Variants in TENM3 observed in about 807,000 individuals in gnomAD.
The protein encoded by TENM3 is teneurin transmembrane protein 3, also known as teneurin-3.
TENM3 carries 63 observed loss-of-function variants against 255.1 expected under a neutral mutation model. The observed-to-expected ratio is 0.25, with a 90% CI of 0.20 to 0.30. The LOEUF is 0.30. TENM3 is among the 10% of genes least tolerant of loss of function. TENM3 has a pLI of 1.00. For missense variants in TENM3, 2,929 were observed against 3,461.1 expected (o/e 0.85, Z 3.86); for synonymous variants, 1,306 against 1,322.3 (o/e 0.99, Z 0.27).
chr4:182,440,114 CT>C (rs5864784), intron 3 of TENM3, among the ~76,000 whole-genome samples: 46 of 126,716 alleles, frequency 3.6e-4, no homozygotes, highest in Admixed American at 3.5e-4. Context: ...TGGTGGGCAC[CT>C]TTTTTTTTTT....
At chr4:182,162,732 C>A (rs1039039953) in intron 1 of TENM3, among the ~76,000 whole-genome samples, 1 of 152,192 alleles carries the variant, frequency 6.6e-6, no homozygotes, top group Non-Finnish European at 1.5e-5. Context: ...ATACTGCATC[C>A]TCCAGAGGAG....
In TENM3 at chr4:182,249,697, G is replaced by T. The variant is rs1757871176; in HGVS notation, c.-76+6221G>T. On this transcript the variant is annotated intron_variant, in intron 1 of 27. Coordinates refer to ENST00000511685, the MANE Select transcript of TENM3 (RefSeq NM_001080477.4). ...CTGAGGATGGGTCTGATAGAGAGGGGTTGCAAATATTTTGAGCAATTGTGA... is the reference window on the plus strand; with the variant it reads ...CTGAGGATGGGTCTGATAGAGAGGGTTTGCAAATATTTTGAGCAATTGTGA... Among the ~76,000 whole-genome samples, 3 of 152,302 alleles carry T rather than the reference G, an allele frequency of 2.0e-5. No individual in the cohort carries two copies. The South Asian group carries it at 6.2e-4, about 32-fold the overall frequency.
chr4:181,837,017 A>G, the TENM3 span, among the ~76,000 whole-genome samples: 1 of 152,146 alleles, frequency 6.6e-6, no homozygotes, highest in South Asian at 2.1e-4. Flanking sequence ...TATTGTGAAT[A>G]GTGTATTTTA....
At chr4:181,753,400 A>T in the TENM3 span, among the ~76,000 whole-genome samples, 1 of 152,152 alleles carries the variant, frequency 6.6e-6, no homozygotes, top group South Asian at 2.1e-4. Context: ...AACTCAAAAC[A>T]GGCAGGCAGC....
At chr4:182,170,330 A>G (rs189229265) in intron 1 of TENM3, among the ~76,000 whole-genome samples, 228 of 152,252 alleles carry the variant, frequency 1.5e-3, no homozygotes, top group African/African-American at 5.3e-3. Flanking sequence ...TTATATTTGT[A>G]TAATATGCAT....
chr4:181,608,496 TAACTGTGTCATATGAGAAAGGA>T, the TENM3 span, among the ~76,000 whole-genome samples: 1 of 151,454 alleles, frequency 6.6e-6, no homozygotes, highest in South Asian at 2.1e-4. Flanking sequence ...CAGCAGAGAG[TAACTGTGTCATATGAGAAAGGA>T]AACAGAAGTT....
the TENM3 span, among the ~76,000 whole-genome samples, chr4:181,888,365 C>A: frequency 6.6e-6 from 1 of 150,980 alleles, no homozygotes; most frequent in African/African-American, 2.4e-5. Flanking sequence ...TCCCAACCTG[C>A]ACCCAGATAA....
At chr4:182,567,289 G>A (rs534053700) in intron 3 of TENM3, among the ~76,000 whole-genome samples, 1 of 152,176 alleles carries the variant, frequency 6.6e-6, no homozygotes, top group South Asian at 2.1e-4. Context: ...AGTCACCATT[G>A]TCTCTCACCT....
chr4:182,019,805 C>T, the TENM3 span, among the ~76,000 whole-genome samples: 2,412 of 152,212 alleles, frequency 0.016, 61 homozygotes, highest in African/African-American at 0.054. Context: ...GCTGGGACTA[C>T]AGGCACATGA....
Position 182,700,195 on chromosome 4 carries a change from G to T in TENM3, c.2221+11844G>T, listed in dbSNP as rs544395711. Among the ~76,000 whole-genome samples the T allele has an allele frequency of 3.9e-5, 6 of 152,268 alleles. No homozygotes were observed. The South Asian group carries it at 1.0e-3, about 26-fold the overall frequency. ...TGAAGTAATATTCCTTATATGCTGA[G>T]ATCCTTATTACCTAATGGGGTAAAT... On this transcript the variant is annotated intron_variant, in intron 12 of 27. Coordinates refer to ENST00000511685, the MANE Select transcript of TENM3 (RefSeq NM_001080477.4).
upstream of TENM3, among the ~76,000 whole-genome samples, chr4:182,241,785 G>A (rs1757277930): frequency 6.6e-6 from 1 of 151,872 alleles, no homozygotes; most frequent in Admixed American, 6.6e-5. Context: ...GGGATTACAG[G>A]CATGAGCCAC....
the TENM3 span, among the ~76,000 whole-genome samples, chr4:182,136,410 ATAGATGTTGTCTG>A: frequency 6.6e-5 from 10 of 151,942 alleles, no homozygotes; most frequent in Non-Finnish European, 5.9e-5. Context: ...ATTTTTGTGT[ATAGATGTTGTCTG>A]GGTGATGGAA....
chr4:182,338,228 G>C (rs1046671015), intron 2 of TENM3, among the ~76,000 whole-genome samples: 1 of 152,198 alleles, frequency 6.6e-6, no homozygotes, highest in African/African-American at 2.4e-5. Flanking sequence ...TTGGTGCCAA[G>C]AGCAGAGTTG....
At chr4:182,785,211 G>A (rs1366244381) in intron 24 of TENM3, among the ~76,000 whole-genome samples, 1 of 151,594 alleles carries the variant, frequency 6.6e-6, no homozygotes, top group African/African-American at 2.4e-5. Flanking sequence ...CAAGTAGCTG[G>A]GACTACAGGC....
At chr4:182,142,268 A>T (rs192556013), upstream of TENM3, 3 of 152,390 alleles carry the variant, frequency 2.0e-5, no homozygotes, top group East Asian at 5.8e-4. Flanking sequence ...TCCCGCAAAG[A>T]TATGCGTGCT....
At chr4:182,287,295 C>T (rs1043874506) in intron 1 of TENM3, among the ~76,000 whole-genome samples, 5 of 152,218 alleles carry the variant, frequency 3.3e-5, no homozygotes, top group African/African-American at 1.2e-4. Flanking sequence ...GCCTGGTTCT[C>T]TGTCTCCATC....
the TENM3 span, among the ~76,000 whole-genome samples, chr4:181,816,995 A>AAAATCTT: frequency 6.6e-6 from 1 of 152,200 alleles, no homozygotes; most frequent in Admixed American, 6.5e-5. Flanking sequence ...CAAAAGGTTA[A>AAAATCTT]GCATCTTGCC....
the TENM3 span, among the ~76,000 whole-genome samples, chr4:181,746,935 G>A: frequency 6.6e-6 from 1 of 151,644 alleles, no homozygotes; most frequent in Admixed American, 6.6e-5. Context: ...TGTACCCTTT[G>A]GTCATTTCCA....
intron 5 of TENM3, among the ~76,000 whole-genome samples, chr4:182,636,291 T>TA (rs1751836245): frequency 6.6e-6 from 1 of 152,314 alleles, no homozygotes; most frequent in African/African-American, 2.4e-5. Flanking sequence ...CTGGAATCCT[T>TA]AAGGACATAT....
Sources: gnomAD v4.1 joint callset for allele counts (sites outside exome capture counted in the v4.1 genomes callset) on GRCh38, gnomAD v4.1.1 for gene constraint, MANE v1.5 for transcripts, NCBI Gene and HGNC (gene_info 2026-07-23, HGNC 2026-07-21) for gene names.